Variants in C12orf42 observed in about 807,000 individuals in gnomAD.
C12orf42 encodes uncharacterized protein C12orf42.
Under a neutral mutation model 21.6 loss-of-function variants are expected in C12orf42, and 25 were observed. The ratio of observed to expected loss-of-function variants is 1.16; its 90% confidence interval spans 0.84 to 1.62. C12orf42 has a LOEUF of 1.62. Among genes scored for constraint, C12orf42 ranks in the 40% most tolerant of loss-of-function variants. C12orf42 has a pLI of 0.00. For missense variants in C12orf42, 483 were observed against 459.3 expected (o/e 1.05, Z -0.47); for synonymous variants, 174 against 175.0 (o/e 0.99, Z 0.05).
the C12orf42 span, among the ~76,000 whole-genome samples, chr12:103,553,511 T>C: frequency 6.6e-6 from 1 of 152,166 alleles, no homozygotes; most frequent in Non-Finnish European, 1.5e-5. Flanking sequence ...AAAGAGACCA[T>C]GAAATCTCAA....
chr12:103,235,683 T>G (rs2136151669), downstream of C12orf42, among the ~76,000 whole-genome samples: 1 of 152,304 alleles, frequency 6.6e-6, no homozygotes, highest in Non-Finnish European at 1.5e-5. Flanking sequence ...TGTCTGATAG[T>G]GTTGAAATGA....
At chr12:103,498,628 C>T (rs1444333094), upstream of C12orf42, among the ~76,000 whole-genome samples, 1 of 152,102 alleles carries the variant, frequency 6.6e-6, no homozygotes, top group Non-Finnish European at 1.5e-5. Context: ...CCCAAATGCC[C>T]ATCAATGATA....
At chr12:103,060,305 A>G in the C12orf42 span, among the ~76,000 whole-genome samples, 1 of 152,090 alleles carries the variant, frequency 6.6e-6, no homozygotes, top group Non-Finnish European at 1.5e-5. Flanking sequence ...GAATTACAAA[A>G]CTGCTCAAGG....
chr12:103,423,914 GTTT>G (rs1455703264), intron 2 of C12orf42, among the ~76,000 whole-genome samples: 2 of 152,134 alleles, frequency 1.3e-5, no homozygotes, highest in African/African-American at 2.4e-5. Flanking sequence ...TAAGCCATAA[GTTT>G]TTTATTGTTT....
At chr12:103,258,524 A>C (rs1046130228) in intron 10 of C12orf42, among the ~76,000 whole-genome samples, 3 of 151,878 alleles carry the variant, frequency 2.0e-5, no homozygotes, top group African/African-American at 7.2e-5. Context: ...TTTGATTTAT[A>C]TATATATGTT....
intron 4 of C12orf42, among the ~76,000 whole-genome samples, chr12:103,286,369 A>G (rs1268368169): frequency 6.6e-6 from 1 of 151,732 alleles, no homozygotes; most frequent in Non-Finnish European, 1.5e-5. Context: ...TACTAGCACA[A>G]TTGTTAGAAA....
chr12:103,248,962 G>C (rs1379299978), intron 10 of C12orf42, among the ~76,000 whole-genome samples: 1 of 151,932 alleles, frequency 6.6e-6, no homozygotes, highest in Non-Finnish European at 1.5e-5. Flanking sequence ...TGAATACATA[G>C]ATTGAAGATA....
At chr12:103,305,843 T>A in intron 5 of C12orf42, 131 bp downstream of exon 5, 1 of 1,149,004 alleles carries the variant, frequency 8.7e-7, no homozygotes, top group Non-Finnish European at 1.2e-6. Context: ...GACTGGCTAC[T>A]ACAGTTCTTA....
intron 2 of C12orf42, among the ~76,000 whole-genome samples, chr12:103,464,416 G>T (rs201581033): frequency 0.11 from 16,551 of 147,776 alleles, 981 homozygotes; most frequent in African/African-American, 0.15. Flanking sequence ...TTTTAATGGG[G>T]TTTTTTTTTT....
At chr12:103,175,881 G>A in the C12orf42 span, among the ~76,000 whole-genome samples, 4 of 152,084 alleles carry the variant, frequency 2.6e-5, no homozygotes, top group Non-Finnish European at 5.9e-5. Flanking sequence ...GGAGGACAAA[G>A]CAGCCAGGAT....
At chr12:103,081,676 G>A in the C12orf42 span, 8 of 152,082 alleles carry the variant, frequency 5.3e-5, no homozygotes, top group Non-Finnish European at 8.8e-5. Context: ...CTATTCCGAA[G>A]GCATTATTCC....
chr12:103,554,576 CAA>C, the C12orf42 span, among the ~76,000 whole-genome samples: 137 of 138,922 alleles, frequency 9.9e-4, 1 homozygote, highest in African/African-American at 3.2e-3. Flanking sequence ...TAATTTATTA[CAA>C]AAAAAAAAAA....
chr12:103,562,169 C>T, the C12orf42 span, among the ~76,000 whole-genome samples: 1 of 152,234 alleles, frequency 6.6e-6, no homozygotes, highest in East Asian at 1.9e-4. Flanking sequence ...TTACAGTTTC[C>T]AGGGGTCTCA....
the C12orf42 span, among the ~76,000 whole-genome samples, chr12:103,163,906 C>T: frequency 1.3e-5 from 2 of 152,182 alleles, no homozygotes; most frequent in Non-Finnish European, 2.9e-5. Context: ...TTCTTATTCT[C>T]ATCTGGGGAA....
the C12orf42 span, among the ~76,000 whole-genome samples, chr12:103,137,644 G>A: frequency 8.5e-5 from 13 of 152,050 alleles, no homozygotes; most frequent in Admixed American, 2.6e-4. Context: ...AAAGATAAAC[G>A]GATAAAGAAA....
At chr12:103,204,301 C>A in the C12orf42 span, among the ~76,000 whole-genome samples, 3 of 152,146 alleles carry the variant, frequency 2.0e-5, no homozygotes, top group Non-Finnish European at 4.4e-5. Flanking sequence ...ATTACAAAAC[C>A]ATCAGTCCAT....
chr12:103,069,724 C>A, the C12orf42 span, among the ~76,000 whole-genome samples: 1 of 152,140 alleles, frequency 6.6e-6, no homozygotes, highest in South Asian at 2.1e-4. Flanking sequence ...CTAGCTAGGT[C>A]TCTTTCTCTA....
intron 5 of C12orf42, among the ~76,000 whole-genome samples, chr12:103,273,434 G>A (rs1555241651): frequency 2.0e-5 from 3 of 152,130 alleles, no homozygotes; most frequent in Non-Finnish European, 2.9e-5. Context: ...ACACAGCATT[G>A]TATATTGGCC....
the C12orf42 span, among the ~76,000 whole-genome samples, chr12:103,149,519 A>C: frequency 6.6e-6 from 1 of 152,150 alleles, no homozygotes; most frequent in Non-Finnish European, 1.5e-5. Flanking sequence ...TCTTATCTTA[A>C]ATTGCAATCC....
Sources: gnomAD v4.1 joint callset for allele counts (sites outside exome capture counted in the v4.1 genomes callset) on GRCh38, gnomAD v4.1.1 for gene constraint, MANE v1.5 for transcripts, NCBI Gene and HGNC (gene_info 2026-07-23, HGNC 2026-07-21) for gene names.